Variants in ACOX3 observed in about 807,000 individuals in gnomAD.
ACOX3 encodes the protein peroxisomal acyl-coenzyme A oxidase 3.
In ACOX3, 73 loss-of-function variants were observed where a neutral mutation model predicts 81.5. The observed-to-expected ratio is 0.90, with a 90% CI of 0.74 to 1.09. ACOX3 has a LOEUF of 1.09. Ranked by LOEUF, ACOX3 falls within the 50% of genes least tolerant of loss-of-function variation. ACOX3 has a pLI of 0.00. For missense variants in ACOX3, 947 were observed against 928.0 expected, an observed-to-expected ratio of 1.02 and a Z score of -0.27; for synonymous variants, 387 against 375.1, an observed-to-expected ratio of 1.03 and a Z score of -0.37.
rs538959858 is a variant in ACOX3, at chr4:8,423,837, G to A, written c.-14-7302C>T. On this transcript the variant is annotated intron_variant, in intron 1 of 17. Coordinates refer to ENST00000356406, the MANE Select transcript of ACOX3 (RefSeq NM_003501.3). The surrounding 1 kb of genome is among the most constrained non-coding windows in gnomAD (Gnocchi z 4.2). ...ACACCTGGACTGTTTTACCCCAAGGGTTCATGGACAGCCCCCATCTATTTG... is the reference window on the plus strand; with the variant it reads ...ACACCTGGACTGTTTTACCCCAAGGATTCATGGACAGCCCCCATCTATTTG... Among the ~76,000 whole-genome samples, 4 of 152,308 alleles carry A rather than the reference G, an allele frequency of 2.6e-5. No homozygotes were observed. In the South Asian group the frequency reaches 8.3e-4, roughly 32 times the overall value.
At chr4:8,367,651 T>C (rs910337772) in intron 17 of ACOX3, among the ~76,000 whole-genome samples, 2 of 151,342 alleles carry the variant, frequency 1.3e-5, no homozygotes, top group African/African-American at 4.9e-5. Context: ...ACATTTATAA[T>C]GAAAATCACC....
At chr4:8,415,191 G>C (rs757827206) in intron 3 of ACOX3, among the ~76,000 whole-genome samples, 4 of 152,168 alleles carry the variant, frequency 2.6e-5, no homozygotes, top group Non-Finnish European at 4.4e-5. Context: ...CGAGCACCTT[G>C]TATAAGGCAC....
chr4:8,422,088 C>T (rs577608020), intron 1 of ACOX3, among the ~76,000 whole-genome samples: 59 of 152,010 alleles, frequency 3.9e-4, no homozygotes, highest in African/African-American at 1.3e-3. Context: ...AACATTCTTC[C>T]GCTGTGTTCC....
intron 6 of ACOX3, among the ~76,000 whole-genome samples, chr4:8,409,910 T>G (rs1721518635): frequency 6.8e-6 from 1 of 147,624 alleles, no homozygotes; most frequent in Non-Finnish European, 1.5e-5. Context: ...GAATACACTG[T>G]GGGCGGAGCT....
intron 1 of ACOX3, among the ~76,000 whole-genome samples, chr4:8,425,658 T>A (rs1359942058): frequency 6.7e-6 from 1 of 149,928 alleles, no homozygotes; most frequent in African/African-American, 2.5e-5. Flanking sequence ...AACTAGATTT[T>A]ACCCACATGC....
intron 17 of ACOX3, among the ~76,000 whole-genome samples, chr4:8,367,978 T>G (rs1715679590): frequency 6.8e-6 from 1 of 148,138 alleles, no homozygotes; most frequent in African/African-American, 2.5e-5. Context: ...GGTGACAGAG[T>G]GAGATCCTAT....
In ACOX3 at chr4:8,394,976, C is replaced by T. The variant is rs892885997; in HGVS notation, c.1057-234G>A. The stretch of plus-strand genomic sequence containing the variant: ...TTGACAGACAAGCTCAAACGCAATT[C>T]GCTAAATGGCCGCTATTCACAGCTG... On this transcript the variant is annotated intron_variant, in intron 9 of 17. Transcript: ENST00000356406. This position sits in a 1 kb window ranked among gnomAD's most constrained non-coding sequence, Gnocchi z 5.9. 22 of 418,548 alleles carry T rather than the reference C, an allele frequency of 5.3e-5. No homozygotes were observed. The highest frequency in any genetic ancestry group is 9.3e-5 in the East Asian group (2 of 21,540). 25.9% of individuals were successfully genotyped at this position (418,548 alleles called of 1,614,324 possible).
intron 1 of ACOX3, among the ~76,000 whole-genome samples, chr4:8,436,819 T>TAA (rs1348228211): frequency 2.2e-4 from 30 of 136,246 alleles, no homozygotes; most frequent in African/African-American, 3.0e-4. Flanking sequence ...CTGTCTCTAC[T>TAA]AAAAAAAAAA....
rs186510543 is a variant in ACOX3 at position 8,414,311 on chromosome 4, T to C, written c.524A>G (p.His175Arg). The change falls in exon 5 of 18, where the codon CAC becomes CGC. Residue 175 changes from histidine (H) to arginine (R), a missense_variant. His to Arg is a conservative substitution (Grantham distance 29). Transcript: ENST00000356406. The surrounding 1 kb of genome is among the most constrained non-coding windows in gnomAD (Gnocchi z 6.1). The stretch of plus-strand genomic sequence containing the variant: ...ACCTACCTCAGTGGCAGGATCGTAG[T>C]GGGCAGTTGTGCGAATGGCCTTGGT... ...SNTKAIRTTA[H>R]YDPATEEFII... The C allele has an allele frequency of 4.3e-5, 70 of 1,614,076 alleles. No homozygotes were observed. Among genetic ancestry groups the C allele is most frequent in the Non-Finnish European group, 1.0e-5 (12 of 1,179,944 alleles).
intron 3 of ACOX3, 122 bp from the exon 4 acceptor site, chr4:8,415,050 C>G: frequency 1.1e-6 from 1 of 921,120 alleles, no homozygotes. Flanking sequence ...CCACACTGCA[C>G]TTTCCCCAAG....
chr4:8,417,250 G>T (rs562607895), intron 1 of ACOX3, among the ~76,000 whole-genome samples: 1 of 152,252 alleles, frequency 6.6e-6, no homozygotes. Flanking sequence ...AGTCCTGGGC[G>T]TGGGCCGCCC....
chr4:8,410,734 G>A (rs1424479464), intron 5 of ACOX3, among the ~76,000 whole-genome samples: 1 of 152,180 alleles, frequency 6.6e-6, no homozygotes, highest in Non-Finnish European at 1.5e-5. Flanking sequence ...GCAGGGCTGT[G>A]GGAATGCCGT....
Position 8,440,681 on chromosome 4 carries a change from A to T in ACOX3, c.-48T>A. The T allele has an allele frequency of 9.1e-7, 1 of 1,094,112 alleles. No homozygotes were observed. The allele number at this position is 1,094,112 out of a possible 1,614,324, so 67.8% of individuals were successfully genotyped here. A position where few individuals can be genotyped will look rare whatever the true frequency, so the allele number is the denominator to read the frequency against. ...TCCACAGTTCAACCCCTGCCAGGGA[A>T]ACCAAAAGCAGGAAAGGATCTCCAG... On this transcript the variant is annotated 5_prime_UTR_variant, in exon 1 of 18. Coordinates refer to ENST00000356406, the MANE Select transcript of ACOX3 (RefSeq NM_003501.3).
intron 7 of ACOX3, among the ~76,000 whole-genome samples, chr4:8,403,485 T>C (rs1388193810): frequency 6.6e-6 from 1 of 152,146 alleles, no homozygotes; most frequent in Non-Finnish European, 1.5e-5. Context: ...GGCTCAGGGA[T>C]CAAAGATGGA....
chr4:8,432,240 A>AT lies in ACOX3; in HGVS notation c.-15+8407dup, dbSNP rs369074710. ...AAATGTTACTGGCTTGAGCCAATGA[A>AT]TTTTTTTTTTCGAGATGGAGTCTCG... On this transcript the variant is annotated intron_variant, in intron 1 of 17. Transcript: ENST00000356406. This position sits in a 1 kb window ranked among gnomAD's most constrained non-coding sequence, Gnocchi z 6.2. Among the ~76,000 whole-genome samples the AT allele has an allele frequency of 6.3e-3, 953 of 151,142 alleles. 8 individuals are homozygous for AT. Among genetic ancestry groups the AT allele is most frequent in the African/African-American group, 0.022 (906 of 41,174 alleles).
rs541470282 is a variant in ACOX3 at position 8,415,618 on chromosome 4, C to T, written c.378+148G>A. The T allele has an allele frequency of 1.1e-3, 746 of 668,434 alleles. 4 individuals are homozygous for T. The highest frequency in any genetic ancestry group is 0.011 in the South Asian group (482 of 45,574). The allele number at this position is 668,434 out of a possible 1,614,324, so 41.4% of individuals were successfully genotyped here. A position where few individuals can be genotyped will look rare whatever the true frequency, so the allele number is the denominator to read the frequency against. ...AGGGGGACTGAAATTTTTTTAAAAA[C>T]ATTAAAAAAAAGATAATTTTTAAAA... is the stretch of plus-strand genomic sequence containing the variant. On this transcript the variant is annotated intron_variant, in intron 3 of 17. Coordinates refer to ENST00000356406, the MANE Select transcript of ACOX3 (RefSeq NM_003501.3).
chr4:8,378,053 G>GGCTTCT (rs1010096186), intron 14 of ACOX3, among the ~76,000 whole-genome samples: 4 of 152,226 alleles, frequency 2.6e-5, no homozygotes, highest in African/African-American at 9.6e-5. Flanking sequence ...GACTGTGACA[G>GGCTTCT]GCACTTCTCA....
intron 1 of ACOX3, among the ~76,000 whole-genome samples, chr4:8,427,111 G>A (rs1723565219): frequency 2.0e-5 from 3 of 152,144 alleles, no homozygotes; most frequent in Non-Finnish European, 4.4e-5. Context: ...TTAAACATGG[G>A]GCTTGTAACT....
At chr4:8,361,614 C>T (rs974527663), downstream of ACOX3, among the ~76,000 whole-genome samples, 1 of 151,992 alleles carries the variant, frequency 6.6e-6, no homozygotes, top group Non-Finnish European at 1.5e-5. Context: ...GGAATAAAAG[C>T]ATAACAGGTT....
Sources: gnomAD v4.1 joint callset for allele counts (sites outside exome capture counted in the v4.1 genomes callset) on GRCh38, gnomAD v4.1.1 for gene constraint, Gnocchi (gnomAD v3.1) non-coding constraint, MANE v1.5 for transcripts, NCBI Gene and HGNC (gene_info 2026-07-23, HGNC 2026-07-21) for gene names.